Variants in VPS35L observed in about 807,000 individuals in gnomAD.
The protein encoded by VPS35L is VPS35 endosomal protein sorting factor like, also known as VPS35 endosomal protein-sorting factor-like.
In VPS35L, 83 loss-of-function variants were observed where a neutral mutation model predicts 133.0. The observed-to-expected ratio is 0.62, with a 90% CI of 0.52 to 0.75. VPS35L has a LOEUF of 0.75. Among genes scored for constraint, VPS35L ranks in the 30% least tolerant of loss-of-function variants. The probability of loss-of-function intolerance (pLI) is 0.00; values close to 1 mark genes in which losing one functional copy is unlikely to be tolerated. For missense variants in VPS35L, 1,083 were observed against 1,206.8 expected, an observed-to-expected ratio of 0.90 and a Z score of 1.52; for synonymous variants, 423 against 449.9, an observed-to-expected ratio of 0.94 and a Z score of 0.76.
At chr16:19,588,880 G>A (rs966862711) in intron 7 of VPS35L, among the ~76,000 whole-genome samples, 6 of 152,206 alleles carry the variant, frequency 3.9e-5, no homozygotes, top group African/African-American at 1.4e-4. Flanking sequence ...AGCTGTGCCA[G>A]CATACGCTTG....
intron 5 of VPS35L, 104 bp from the exon 6 acceptor site, chr16:19,578,948 C>T (rs1247485246): frequency 1.1e-6 from 1 of 923,902 alleles, no homozygotes; most frequent in South Asian, 1.4e-5. Flanking sequence ...GAATCATTCC[C>T]TTGTGTCTTT....
chr16:19,602,881 G>GCTC (rs1972428835), intron 9 of VPS35L, among the ~76,000 whole-genome samples: 2 of 151,834 alleles, frequency 1.3e-5, no homozygotes, highest in Non-Finnish European at 2.9e-5. Flanking sequence ...TGGGATTATA[G>GCTC]GCATGAGCAA....
intron 7 of VPS35L, 73 bp downstream of exon 7, chr16:19,581,726 CA>C: frequency 6.6e-7 from 1 of 1,520,496 alleles, no homozygotes; most frequent in African/African-American, 1.6e-5. Context: ...TTAGAGTTTT[CA>C]GGGGCCTACC....
rs1259748038 is a variant in VPS35L, at chr16:19,640,116, T to G, written c.1784+16T>G. 6 of 1,607,610 alleles carry G rather than the reference T, an allele frequency of 3.7e-6. No homozygotes were observed. Among genetic ancestry groups the G allele is most frequent in the Non-Finnish European group, 5.1e-6 (6 of 1,174,492 alleles). On this transcript the variant is annotated intron_variant, in intron 21 of 30. Coordinates refer to ENST00000417362, the MANE Select transcript of VPS35L (RefSeq NM_020314.7). ...CCTTTATCAAGTGAGTGCCACTGCG[T>G]GCAGCAGAAGCCTTGATTCCCAATG...
At chr16:19,569,384 T>C in intron 2 of VPS35L, 40 bp from the exon 3 acceptor site, 3 of 1,596,816 alleles carry the variant, frequency 1.9e-6, no homozygotes, top group Non-Finnish European at 2.6e-6. Flanking sequence ...TGGAGAGAGT[T>C]GTGGGAGTTC....
intron 7 of VPS35L, chr16:19,582,098 A>C (rs1038994875): frequency 6.4e-6 from 1 of 155,484 alleles, no homozygotes; most frequent in African/African-American, 2.4e-5. Context: ...ATGCATGCTT[A>C]TGTGACAAGG....
At chr16:19,682,818 C>G (rs1400332765) in intron 28 of VPS35L, among the ~76,000 whole-genome samples, 2 of 152,192 alleles carry the variant, frequency 1.3e-5, no homozygotes, top group Non-Finnish European at 2.9e-5. Flanking sequence ...GCCAAGATGG[C>G]ACCACTGTAC....
chr16:19,647,865 C>T lies in VPS35L; in HGVS notation c.2011C>T (p.Leu671Phe). The change falls in exon 24 of 31, where the codon CTT (leucine) becomes TTT (phenylalanine). Residue 671 changes from leucine (L) to phenylalanine (F), a missense_variant. By Grantham distance (22) the Leu-to-Phe change is conservative. Coordinates refer to ENST00000417362, the MANE Select transcript of VPS35L (RefSeq NM_020314.7). ...RSMFCNLEPV[L>F]VQLIHSVNRL... ...GATGTTTTGCAATCTGGAGCCTGTT[C>T]TTGTGCAGTTGATTCATGTAAGTAT... The T allele has an allele frequency of 6.2e-7, 1 of 1,613,376 alleles. No individual in the cohort carries two copies. The highest frequency in any genetic ancestry group is 2.2e-5 in the East Asian group (1 of 44,874).
In VPS35L at chr16:19,669,307, T is replaced by A. The variant is rs763323898; in HGVS notation, c.2361+8T>A. On this transcript the variant is annotated splice_region_variant and intron_variant, in intron 27 of 30. Coordinates refer to ENST00000417362, the MANE Select transcript of VPS35L (RefSeq NM_020314.7). ...ACTTTATTAATAGTTCCGGTACGTT[T>A]CCTCAGCAGAACCGCAGGACATGTC... 4.4e-6 allele frequency: 7 copies of A among 1,603,596 alleles called. No homozygotes were observed. The African/African-American group carries it at 9.4e-5, about 21-fold the overall frequency.
intron 19 of VPS35L, among the ~76,000 whole-genome samples, chr16:19,635,215 G>A (rs551821039): frequency 6.6e-6 from 1 of 152,154 alleles, no homozygotes; most frequent in East Asian, 1.9e-4. Context: ...AGGTGTGGTG[G>A]TGCATGCCTG....
chr16:19,662,187 A>G (rs1235154131), intron 26 of VPS35L, among the ~76,000 whole-genome samples: 1 of 152,058 alleles, frequency 6.6e-6, no homozygotes, highest in Non-Finnish European at 1.5e-5. Context: ...TGGGCAGCAG[A>G]GCAAGGCCCT....
At position 19,597,815 on chromosome 16, in the gene VPS35L, C is replaced by T. The variant is rs149787052; in HGVS notation, c.725-3849C>T. 7.9e-4 allele frequency among the ~76,000 whole-genome samples: 121 copies of T among 152,206 alleles called. 2 individuals carry two copies. The East Asian group carries it at 0.021, about 26-fold the overall frequency. ...TCACTTTATAAAAAAGGAGTGAAAC[C>T]CTGACTTGCTTGGTGGAAATGTGGA... is the stretch of plus-strand genomic sequence containing the variant. On this transcript the variant is annotated intron_variant, in intron 8 of 30. Transcript: ENST00000417362.
At chr16:19,592,981 C>T (rs896923145) in intron 8 of VPS35L, among the ~76,000 whole-genome samples, 3 of 152,116 alleles carry the variant, frequency 2.0e-5, no homozygotes, top group East Asian at 1.9e-4. Context: ...CCACTGTGCC[C>T]AGCCTCACTG....
intron 26 of VPS35L, among the ~76,000 whole-genome samples, chr16:19,666,972 C>CT (rs113931786): frequency 0.14 from 12,669 of 92,034 alleles, 1,103 homozygotes; most frequent in East Asian, 0.22. Flanking sequence ...TTCTTCCTTT[C>CT]TTCCTTTCTT....
intron 19 of VPS35L, among the ~76,000 whole-genome samples, chr16:19,636,351 A>G (rs1973623516): frequency 1.3e-5 from 2 of 152,290 alleles, no homozygotes; most frequent in Admixed American, 1.3e-4. Flanking sequence ...AATTCTTTCA[A>G]TATTCTTTAT....
intron 2 of VPS35L, among the ~76,000 whole-genome samples, chr16:19,567,087 T>A (rs1024538573): frequency 1.3e-5 from 2 of 152,138 alleles, no homozygotes; most frequent in Non-Finnish European, 2.9e-5. Context: ...AACTTGGTGA[T>A]TGGCACAAGA....
chr16:19,637,725 T>C, intron 20 of VPS35L, 69 bp downstream of exon 20: 14 of 1,112,832 alleles, frequency 1.3e-5, no homozygotes, highest in Non-Finnish European at 1.8e-5. Context: ...GTCTCAGTAA[T>C]GTTTTCATGA....
chr16:19,618,365 C>T (rs1348665398), intron 14 of VPS35L, among the ~76,000 whole-genome samples: 2 of 152,066 alleles, frequency 1.3e-5, no homozygotes, highest in African/African-American at 2.4e-5. Context: ...GATGCACACA[C>T]GGTTTGTTCA....
intron 29 of VPS35L, among the ~76,000 whole-genome samples, chr16:19,696,443 G>A (rs926742221): frequency 2.0e-5 from 3 of 152,206 alleles, no homozygotes; most frequent in African/African-American, 7.2e-5. Context: ...GCCACGTGAA[G>A]GTGCCAGCCT....
Sources: allele counts gnomAD v4.1 joint callset (sites outside exome capture counted in the v4.1 genomes callset), GRCh38; gene constraint gnomAD v4.1.1; transcripts MANE v1.5; gene names NCBI Gene and HGNC (gene_info 2026-07-23, HGNC 2026-07-21).